B4GALT4: variants seen among roughly 807,000 people sequenced by gnomAD.
B4GALT4 encodes beta-1,4-galactosyltransferase 4.
Under a neutral mutation model 37.3 loss-of-function variants are expected in B4GALT4, and 27 were observed. The observed-to-expected ratio is 0.72, with a 90% confidence interval of 0.53 to 1.00. The LOEUF is 1.00. Among genes scored for constraint, B4GALT4 ranks in the 50% least tolerant of loss-of-function variants. The pLI, the probability that B4GALT4 is intolerant of heterozygous loss-of-function variation, is 0.00. For synonymous variants in B4GALT4, 148 were observed against 154.1 expected (o/e 0.96, Z 0.29); for missense variants, 372 against 413.1 (o/e 0.90, Z 0.86).
rs937020695 is a variant in B4GALT4, at chr3:119,212,552, T to C, written c.1032A>G (p.Ala344=). The part of the protein sequence containing the change: ...INITVDFWFG[A] ...AACATCACCAAAAGACCCAGGGTCATGCACCAAACCAGAAATCCACTGTGA... is the reference window on the plus strand; with the variant it reads ...AACATCACCAAAAGACCCAGGGTCACGCACCAAACCAGAAATCCACTGTGA... Residue 344 remains alanine, a synonymous_variant, in exon 8 of 8, where the codon GCA becomes GCG. Transcript: ENST00000393765. 7 of 1,596,486 alleles carry C rather than the reference T, an allele frequency of 4.4e-6. No individual in the cohort carries two copies. The highest frequency in any genetic ancestry group is 4.5e-5 in the East Asian group (2 of 44,744).
At chr3:119,235,814 T>G (rs2078969931) in intron 2 of B4GALT4, among the ~76,000 whole-genome samples, 1 of 151,878 alleles carries the variant, frequency 6.6e-6, no homozygotes, top group Admixed American at 6.6e-5. Flanking sequence ...ATTTGAGTAA[T>G]TTAAAAAAAA....
In B4GALT4 at chr3:119,212,595, T is replaced by C. The variant is rs950344842; in HGVS notation, c.989A>G (p.Asn330Ser). The stretch of plus-strand genomic sequence containing the variant: ...CACTGTGATGTTGATATATAAAGGA[T>C]TGTGTTCCACAGATACTAATTTATA... ...CSYKLVSVEHNPLYINITVDF... is the reference protein window; with the variant it reads ...CSYKLVSVEHSPLYINITVDF... The change falls in exon 8 of 8, where the codon AAT becomes AGT. Residue 330 changes from asparagine to serine, a missense_variant. Physicochemically the swap from Asn to Ser is conservative, Grantham distance 46. Coordinates refer to ENST00000393765, the MANE Select transcript of B4GALT4 (RefSeq NM_003778.4). 4 of 1,612,618 alleles carry C rather than the reference T, an allele frequency of 2.5e-6. No homozygotes were observed. The African/African-American group carries it at 4.0e-5, about 16-fold the overall frequency.
At position 119,226,845 on chromosome 3, in the gene B4GALT4, C is replaced by T; in HGVS notation, c.450G>A (p.Arg150=). The T allele has an allele frequency of 6.2e-7, 1 of 1,614,116 alleles. No homozygotes were observed. Among genetic ancestry groups the T allele is most frequent in the Non-Finnish European group, 8.5e-7 (1 of 1,180,034 alleles). Residue 150 remains arginine (R), a synonymous_variant, in exon 4 of 8, where the codon AGG becomes AGA. Coordinates refer to ENST00000393765, the MANE Select transcript of B4GALT4 (RefSeq NM_003778.4). ...LLEHLHPFLQ[R]QQLDYGIYVI... is the part of the protein sequence containing the mutation. ...CGTAGATGCCATAATCCAGCTGCTG[C>T]CTCTGCAGGAAGGGATGCAGATGTT...
chr3:119,227,947 C>T (rs2078676401), intron 3 of B4GALT4, among the ~76,000 whole-genome samples: 1 of 152,118 alleles, frequency 6.6e-6, no homozygotes, highest in South Asian at 2.1e-4. Context: ...CAACAGCAGG[C>T]AAGGTAAGTA....
chr3:119,221,523 A>G (rs1414494365), intron 5 of B4GALT4, among the ~76,000 whole-genome samples: 1 of 152,216 alleles, frequency 6.6e-6, no homozygotes, highest in African/African-American at 2.4e-5. Context: ...GACTTTGCCC[A>G]AAGCAGCAAA....
chr3:119,225,719 GCAAAC>G (rs770607898), intron 4 of B4GALT4, among the ~76,000 whole-genome samples: 1 of 152,098 alleles, frequency 6.6e-6, no homozygotes, highest in Non-Finnish European at 1.5e-5. Flanking sequence ...CTGGCCCAAA[GCAAAC>G]ATGTTTTTCT....
At position 119,218,734 on chromosome 3, in the gene B4GALT4, A is replaced by G. The variant is rs1487103752; in HGVS notation, c.713T>C (p.Leu238Pro). ...CACCTTGAAAAACTGCTCTCTGCTT[A>G]GGGCAGTAACACCCCCAAAATATCC... ...YSGYFGGVTA[L>P]SREQFFKVNG... The change falls in exon 6 of 8, where the codon CTA becomes CCA. Residue 238 changes from leucine to proline, a missense_variant. Transcript: ENST00000393765. 1 of 1,614,138 alleles carries G rather than the reference A, an allele frequency of 6.2e-7. No homozygotes were observed. The highest frequency in any genetic ancestry group is 2.2e-5 in the East Asian group (1 of 44,886).
At chr3:119,223,102 CCTT>C (rs1430268931) in intron 5 of B4GALT4, among the ~76,000 whole-genome samples, 1 of 152,228 alleles carries the variant, frequency 6.6e-6, no homozygotes, top group Non-Finnish European at 1.5e-5. Context: ...TTCTCTCCTG[CCTT>C]CTTCTTCCTC....
intron 6 of B4GALT4, among the ~76,000 whole-genome samples, chr3:119,216,913 TG>T (rs1467026477): frequency 2.0e-5 from 3 of 152,258 alleles, no homozygotes; most frequent in Non-Finnish European, 4.4e-5. Context: ...AATATTCAAA[TG>T]ATATAATCTG....
At chr3:119,227,554 C>A (rs1013822050) in intron 3 of B4GALT4, among the ~76,000 whole-genome samples, 2 of 152,134 alleles carry the variant, frequency 1.3e-5, no homozygotes, top group African/African-American at 4.8e-5. Flanking sequence ...AAGTAGAAAC[C>A]AGTCTCCCTC....
In B4GALT4 at chr3:119,224,049, C is replaced by A; in HGVS notation, c.674+9G>T. ...TCGACCTAAGCCACCCTCAGCAGAA[C>A]CACCTTACCTGTACCCAGTGCTGTT... is the stretch of plus-strand genomic sequence containing the variant. On this transcript the variant is annotated intron_variant, in intron 5 of 7. Transcript: ENST00000393765. 1 of 1,602,800 alleles carries A rather than the reference C, an allele frequency of 6.2e-7. No individual in the cohort carries two copies. The highest frequency in any genetic ancestry group is 8.5e-7 in the Non-Finnish European group (1 of 1,175,240).
At chr3:119,226,552 C>A in intron 4 of B4GALT4, 1 of 477,422 alleles carries the variant, frequency 2.1e-6, no homozygotes, top group South Asian at 2.4e-5. Flanking sequence ...CATTGGCTAA[C>A]ATGGAAGGGC....
rs1179529032 is a variant in B4GALT4 at position 119,239,096 on chromosome 3, C to A, written c.-364+1754G>T. Among the ~76,000 whole-genome samples the A allele has an allele frequency of 2.6e-5, 4 of 152,220 alleles. No individual in the cohort carries two copies. The East Asian group carries it at 5.8e-4, about 22-fold the overall frequency. ...TCTGTAATCCCAGCACTTTGGGAGGCAAATGGATCACTTGGGGTCAGGAGT... is the reference window on the plus strand; with the variant it reads ...TCTGTAATCCCAGCACTTTGGGAGGAAAATGGATCACTTGGGGTCAGGAGT... On this transcript the variant is annotated intron_variant, in intron 1 of 7. Transcript: ENST00000393765.
intron 7 of B4GALT4, chr3:119,213,644 G>A (rs1343022065): frequency 1.3e-5 from 2 of 152,170 alleles, no homozygotes; most frequent in Non-Finnish European, 2.9e-5. Flanking sequence ...GTGGATAGGG[G>A]AGATGTGAAG....
chr3:119,238,638 C>T (rs1210409568), intron 1 of B4GALT4, among the ~76,000 whole-genome samples: 5 of 152,238 alleles, frequency 3.3e-5, no homozygotes, highest in Non-Finnish European at 1.5e-5. Context: ...TCATCTCTTA[C>T]TGTGCCTAAC....
rs1159533739 is a variant in B4GALT4, at chr3:119,212,147, G to GGACGA, written c.*397_*401dup. The stretch of plus-strand genomic sequence containing the variant: ...TTGTATCTTCGTACCTTTCTACCTT[G>GGACGA]GACGAGAACAACTCTGGTTCTCTCA... On this transcript the variant is annotated 3_prime_UTR_variant, in exon 8 of 8. Transcript: ENST00000393765. 5.7e-6 allele frequency: 4 copies of GGACGA among 702,866 alleles called. No homozygotes were observed. In the East Asian group the frequency reaches 1.1e-4, roughly 19 times the overall value. The allele number at this position is 702,866 out of a possible 1,614,324, so 43.5% of individuals were successfully genotyped here. A position where few individuals can be genotyped will look rare whatever the true frequency, so the allele number is the denominator to read the frequency against.
chr3:119,229,760 T>C, intron 3 of B4GALT4, 87 bp downstream of exon 3: 1 of 1,355,990 alleles, frequency 7.4e-7, no homozygotes, highest in South Asian at 1.4e-5. Flanking sequence ...ATGGGGTACA[T>C]GAGATGTTTT....
At chr3:119,227,642 G>A (rs757469479) in intron 3 of B4GALT4, among the ~76,000 whole-genome samples, 11 of 152,244 alleles carry the variant, frequency 7.2e-5, no homozygotes, top group Non-Finnish European at 1.5e-4. Context: ...GTTTCCAATC[G>A]AGCACAGTAT....
intron 1 of B4GALT4, among the ~76,000 whole-genome samples, chr3:119,238,043 G>A (rs2079035016): frequency 6.6e-6 from 1 of 152,090 alleles, no homozygotes; most frequent in Non-Finnish European, 1.5e-5. Context: ...GAGGCGGGAG[G>A]ATCACTTGAG....
Sources: gnomAD v4.1 joint callset for allele counts (sites outside exome capture counted in the v4.1 genomes callset) on GRCh38, gnomAD v4.1.1 for gene constraint, MANE v1.5 for transcripts, NCBI Gene and HGNC (gene_info 2026-07-23, HGNC 2026-07-21) for gene names.